Variants in BCAT1 observed in about 807,000 individuals in gnomAD.
BCAT1 encodes the protein branched chain amino acid transaminase 1, also known as branched-chain-amino-acid aminotransferase, cytosolic.
BCAT1 carries 48 observed loss-of-function variants against 52.4 expected under a neutral mutation model. The ratio of observed to expected loss-of-function variants is 0.92; its 90% CI spans 0.73 to 1.16. BCAT1 has a LOEUF of 1.16. Ranked by LOEUF, BCAT1 falls within the 50% of genes most tolerant of loss-of-function variation. The pLI, the probability that BCAT1 is intolerant of heterozygous loss-of-function variation, is 0.00. For missense variants in BCAT1, 451 were observed against 457.1 expected (o/e 0.99, Z 0.12); for synonymous variants, 167 against 161.3 (o/e 1.04, Z -0.27).
At chr12:24,920,988 G>C (rs944301957) in intron 1 of BCAT1, among the ~76,000 whole-genome samples, 1 of 152,116 alleles carries the variant, frequency 6.6e-6, no homozygotes. Context: ...TTTTGTCCTC[G>C]TGGAGTTGGG....
chr12:24,885,034 C>T (rs989318959), intron 3 of BCAT1, among the ~76,000 whole-genome samples: 3 of 152,152 alleles, frequency 2.0e-5, no homozygotes, highest in Non-Finnish European at 4.4e-5. Context: ...GGGAACATCG[C>T]AAATTGCCTA....
In BCAT1 at chr12:24,878,605, C is replaced by T. The variant is rs747733544; in HGVS notation, c.435G>A (p.Val145=). 3.1e-6 allele frequency: 5 copies of T among 1,609,716 alleles called. No homozygotes were observed. Among genetic ancestry groups the T allele is most frequent in the South Asian group, 2.2e-5 (2 of 90,940 alleles). Residue 145 remains valine, a synonymous_variant, in exon 5 of 11, where the codon GTG becomes GTA. Coordinates refer to ENST00000261192, the MANE Select transcript of BCAT1 (RefSeq NM_005504.7). ...EELLECIQQL[V]KLDQEWVPYS... is the part of the protein sequence containing the mutation. ...ATGGGACCCATTCTTGATCCAATTT[C>T]ACAAGCTGTTGAATACACTCTAAGA...
chr12:24,930,667 C>A (rs1397221407), intron 1 of BCAT1, among the ~76,000 whole-genome samples: 2 of 152,174 alleles, frequency 1.3e-5, no homozygotes, highest in Non-Finnish European at 2.9e-5. Flanking sequence ...CCAGAAATGC[C>A]AAGCTCTCCT....
At chr12:24,881,131 G>A (rs779437561) in intron 4 of BCAT1, among the ~76,000 whole-genome samples, 170 bp downstream of exon 4, 1 of 152,028 alleles carries the variant, frequency 6.6e-6, no homozygotes, top group Non-Finnish European at 1.5e-5. Context: ...CACCGTGCCC[G>A]GCCATTTTCT....
At chr12:24,861,082 G>C (rs1010276307) in intron 5 of BCAT1, among the ~76,000 whole-genome samples, 3 of 152,192 alleles carry the variant, frequency 2.0e-5, no homozygotes, top group Admixed American at 6.5e-5. Context: ...AGACTGGAGA[G>C]AGAAAAATTA....
At chr12:24,920,966 G>C (rs1330941706) in intron 1 of BCAT1, among the ~76,000 whole-genome samples, 1 of 152,176 alleles carries the variant, frequency 6.6e-6, no homozygotes, top group Non-Finnish European at 1.5e-5. Context: ...GAAGGGTTCT[G>C]AGCACAGGAG....
At chr12:24,857,517 T>C (rs1053912771) in intron 5 of BCAT1, among the ~76,000 whole-genome samples, 2 of 152,204 alleles carry the variant, frequency 1.3e-5, no homozygotes, top group African/African-American at 4.8e-5. Flanking sequence ...TTTATATTGA[T>C]TTTTTTCTAG....
At chr12:24,903,095 G>C in intron 1 of BCAT1, 1 of 1,358,380 alleles carries the variant, frequency 7.4e-7, no homozygotes, top group Non-Finnish European at 9.4e-7. Flanking sequence ...CGGCCCATAG[G>C]GCGCTGGGTA....
intron 5 of BCAT1, among the ~76,000 whole-genome samples, chr12:24,876,762 A>C (rs1354231493): frequency 6.6e-6 from 1 of 152,220 alleles, no homozygotes; most frequent in Non-Finnish European, 1.5e-5. Context: ...ATGAGAACAC[A>C]TGGGCACATG....
intron 5 of BCAT1, among the ~76,000 whole-genome samples, chr12:24,850,603 T>A (rs569308600): frequency 2.0e-5 from 3 of 152,248 alleles, no homozygotes; most frequent in Non-Finnish European, 2.9e-5. Context: ...GTGGACATTA[T>A]AAACAGATGG....
intron 5 of BCAT1, among the ~76,000 whole-genome samples, chr12:24,866,624 C>T (rs897259907): frequency 1.3e-5 from 2 of 152,206 alleles, no homozygotes; most frequent in Non-Finnish European, 2.9e-5. Flanking sequence ...ATACACCAAT[C>T]GGCGCTCTGT....
At chr12:24,877,377 C>G (rs970057770) in intron 5 of BCAT1, among the ~76,000 whole-genome samples, 2 of 152,194 alleles carry the variant, frequency 1.3e-5, no homozygotes, top group African/African-American at 4.8e-5. Context: ...AGCTGCCTAG[C>G]AGATACCAGA....
In BCAT1 at chr12:24,944,123, A is replaced by C. The variant is rs1181860829; in HGVS notation, c.6+4804T>G. Among the ~76,000 whole-genome samples the C allele has an allele frequency of 3.3e-5, 5 of 152,332 alleles. No homozygotes were observed. In the South Asian group the frequency reaches 1.0e-3, roughly 32 times the overall value. ...CAGCACTATTCTTATAAGTGTACAG[A>C]GCACTCACCGACACTGAAAACCATG... is the stretch of plus-strand genomic sequence containing the variant. On this transcript the variant is annotated intron_variant, in intron 1 of 10. Coordinates refer to ENST00000261192, the MANE Select transcript of BCAT1 (RefSeq NM_005504.7).
chr12:24,822,668 C>T (rs141419256), intron 10 of BCAT1, among the ~76,000 whole-genome samples: 13 of 152,250 alleles, frequency 8.5e-5, no homozygotes, highest in African/African-American at 2.9e-4. Context: ...ACGTGCTCTT[C>T]AATTCTGAAG....
At chr12:24,934,768 G>A (rs1020666008) in intron 1 of BCAT1, among the ~76,000 whole-genome samples, 1 of 152,146 alleles carries the variant, frequency 6.6e-6, no homozygotes, top group Non-Finnish European at 1.5e-5. Flanking sequence ...GGCCAGGCTG[G>A]TCTCGAACTC....
intron 5 of BCAT1, among the ~76,000 whole-genome samples, chr12:24,874,482 T>C (rs1942271855): frequency 6.6e-6 from 1 of 152,170 alleles, no homozygotes. Context: ...AACAATAATA[T>C]TAGACTGTTA....
chr12:24,844,431 C>CA (rs199971467), intron 6 of BCAT1, among the ~76,000 whole-genome samples: 7 of 150,652 alleles, frequency 4.6e-5, no homozygotes, highest in Admixed American at 1.3e-4. Flanking sequence ...AATTCCGTCT[C>CA]AAAAAAATAA....
intron 3 of BCAT1, 79 bp downstream of exon 3, chr12:24,894,196 G>A: frequency 7.2e-7 from 1 of 1,392,762 alleles, no homozygotes; most frequent in Admixed American, 2.0e-5. Flanking sequence ...CTGCCCAAGA[G>A]CTATTTTAGC....
intron 6 of BCAT1, among the ~76,000 whole-genome samples, chr12:24,844,915 A>AAG (rs1474631638): frequency 3.0e-5 from 4 of 132,444 alleles, no homozygotes; most frequent in Non-Finnish European, 6.5e-5. Flanking sequence ...AAAAAAAAAA[A>AAG]AAGAGTCCTT....
Sources: gnomAD v4.1 joint callset for allele counts (sites outside exome capture counted in the v4.1 genomes callset) on GRCh38, gnomAD v4.1.1 for gene constraint, MANE v1.5 for transcripts, NCBI Gene and HGNC (gene_info 2026-07-23, HGNC 2026-07-21) for gene names.